Variants in HHAT observed in about 807,000 individuals in gnomAD.
The protein encoded by HHAT is protein-cysteine N-palmitoyltransferase HHAT.
Under a neutral mutation model 70.8 loss-of-function variants are expected in HHAT, and 47 were observed. The ratio of observed to expected loss-of-function variants is 0.66; its 90% confidence interval spans 0.53 to 0.85. The LOEUF is 0.85. Ranked by LOEUF, HHAT falls within the 40% of genes least tolerant of loss-of-function variation. The pLI is 0.00. For missense variants in HHAT, 609 were observed against 604.8 expected (o/e 1.01, Z -0.07); for synonymous variants, 228 against 247.6 (o/e 0.92, Z 0.74).
intron 8 of HHAT, among the ~76,000 whole-genome samples, chr1:210,495,674 G>T (rs1333075867): frequency 1.3e-5 from 2 of 152,028 alleles, no homozygotes; most frequent in Non-Finnish European, 1.5e-5. Context: ...ATGACCTATT[G>T]TAGGTCATAA....
At chr1:210,672,925 T>C (rs949449456) in intron 11 of HHAT, among the ~76,000 whole-genome samples, 2 of 152,208 alleles carry the variant, frequency 1.3e-5, no homozygotes, top group African/African-American at 4.8e-5. Context: ...AGATTTACTA[T>C]GGGACTCATG....
At chr1:210,356,706 C>G (rs1032361661) in intron 2 of HHAT, among the ~76,000 whole-genome samples, 1 of 152,240 alleles carries the variant, frequency 6.6e-6, no homozygotes, top group Non-Finnish European at 1.5e-5. Flanking sequence ...TTACATTCTT[C>G]ATGCAACATG....
intron 2 of HHAT, among the ~76,000 whole-genome samples, chr1:210,353,164 G>C (rs2087218217): frequency 6.6e-6 from 1 of 151,950 alleles, no homozygotes; most frequent in African/African-American, 2.4e-5. Context: ...TCGAATTCCT[G>C]ACCTGGGGTA....
At chr1:210,658,483 G>T (rs1456918280) in intron 11 of HHAT, among the ~76,000 whole-genome samples, 1 of 152,084 alleles carries the variant, frequency 6.6e-6, no homozygotes, top group Non-Finnish European at 1.5e-5. Flanking sequence ...TGTATAGTTG[G>T]ATTAAAAAAC....
chr1:210,554,578 G>T (rs1573279035), intron 9 of HHAT, among the ~76,000 whole-genome samples: 1 of 152,204 alleles, frequency 6.6e-6, no homozygotes, highest in African/African-American at 2.4e-5. Context: ...GCATGAGTGT[G>T]CAATGTGTGG....
At chr1:210,467,893 C>T (rs535763851) in intron 8 of HHAT, among the ~76,000 whole-genome samples, 6 of 152,158 alleles carry the variant, frequency 3.9e-5, no homozygotes, top group Admixed American at 3.3e-4. Context: ...AGCAGCCTGC[C>T]GTATCAGAGG....
At chr1:210,517,125 A>G (rs2095070381) in intron 9 of HHAT, among the ~76,000 whole-genome samples, 2 of 152,362 alleles carry the variant, frequency 1.3e-5, no homozygotes, top group South Asian at 4.1e-4. Context: ...ACACCGCACA[A>G]GAAAAGGTGA....
chr1:210,657,137 C>A (rs147679132), intron 11 of HHAT, among the ~76,000 whole-genome samples: 4 of 152,268 alleles, frequency 2.6e-5, no homozygotes, highest in Middle Eastern at 6.8e-3. Flanking sequence ...CTAGTGAGAC[C>A]AAATCTATGG....
At chr1:210,629,793 T>G (rs1248417281) in intron 11 of HHAT, among the ~76,000 whole-genome samples, 1 of 152,108 alleles carries the variant, frequency 6.6e-6, no homozygotes, top group Non-Finnish European at 1.5e-5. Context: ...GTCACACATA[T>G]CTGCCTCTTG....
chr1:210,423,922 T>A (rs963328429), intron 7 of HHAT, among the ~76,000 whole-genome samples: 2 of 152,236 alleles, frequency 1.3e-5, no homozygotes, highest in African/African-American at 4.8e-5. Flanking sequence ...GCATGTACCA[T>A]GCTGTTTTGG....
At chr1:210,650,748 G>A (rs1674967099) in intron 11 of HHAT, among the ~76,000 whole-genome samples, 3 of 152,132 alleles carry the variant, frequency 2.0e-5, no homozygotes, top group Non-Finnish European at 4.4e-5. Context: ...GACAAGACAA[G>A]CTTTGGAGCC....
intron 10 of HHAT, among the ~76,000 whole-genome samples, chr1:210,591,483 T>C (rs1661689734): frequency 6.6e-6 from 1 of 152,192 alleles, no homozygotes; most frequent in East Asian, 1.9e-4. Context: ...ATCTTGGCTA[T>C]TGTGAATAGT....
At chr1:210,551,266 A>C (rs985517760) in intron 9 of HHAT, among the ~76,000 whole-genome samples, 1 of 148,662 alleles carries the variant, frequency 6.7e-6, no homozygotes, top group Non-Finnish European at 1.5e-5. Flanking sequence ...GAGAGAGGGG[A>C]TGTCCCAGCG....
chr1:210,420,995 C>G (rs1235038949), intron 7 of HHAT, among the ~76,000 whole-genome samples: 2 of 152,044 alleles, frequency 1.3e-5, no homozygotes, highest in Admixed American at 1.3e-4. Context: ...TTTGGCGAAA[C>G]CAATTTATGC....
chr1:210,403,394 C>T (rs981039663), intron 5 of HHAT, among the ~76,000 whole-genome samples: 1 of 152,166 alleles, frequency 6.6e-6, no homozygotes, highest in Non-Finnish European at 1.5e-5. Flanking sequence ...CAATTAGCAT[C>T]AGTTATAGAT....
chr1:210,356,751 G>T (rs920679285), intron 2 of HHAT, among the ~76,000 whole-genome samples: 1 of 152,220 alleles, frequency 6.6e-6, no homozygotes, highest in African/African-American at 2.4e-5. Context: ...TTGTTAGGAA[G>T]TAATTTTTCC....
At chr1:210,466,879 G>A (rs1197472273) in intron 8 of HHAT, among the ~76,000 whole-genome samples, 1 of 152,114 alleles carries the variant, frequency 6.6e-6, no homozygotes, top group African/African-American at 2.4e-5. Context: ...GACTCATATA[G>A]TTGAGACCCC....
At chr1:210,604,814 G>A (rs35377083) in intron 10 of HHAT, among the ~76,000 whole-genome samples, 26,303 of 151,912 alleles carry the variant, frequency 0.17, 2,403 homozygotes, top group Middle Eastern at 0.24. Context: ...CCAGGAGTTC[G>A]ACACCAGCCT....
chr1:210,429,597 T>C (rs1463130621), intron 7 of HHAT, among the ~76,000 whole-genome samples: 1 of 151,636 alleles, frequency 6.6e-6, no homozygotes, highest in Non-Finnish European at 1.5e-5. Flanking sequence ...AAAACAATTT[T>C]TTTTTTTGCA....
Sources: allele counts gnomAD v4.1 joint callset (sites outside exome capture counted in the v4.1 genomes callset), GRCh38; gene constraint gnomAD v4.1.1; transcripts MANE v1.5; gene names NCBI Gene and HGNC (gene_info 2026-07-23, HGNC 2026-07-21).